RHOXF1: variants seen among roughly 807,000 people sequenced by gnomAD.
RHOXF1 encodes PEPP subfamily gene 1.
Under a neutral mutation model 9.7 loss-of-function variants are expected in RHOXF1, and 1 was observed. That is an observed-to-expected ratio of 0.10 (90% CI 0.04 to 0.49). The LOEUF (loss-of-function observed/expected upper bound fraction) is 0.49, where lower values mean the gene tolerates loss of function less well. Ranked by LOEUF, RHOXF1 falls within the 20% of genes least tolerant of loss-of-function variation. RHOXF1 has a pLI of 0.95. For missense variants in RHOXF1, 179 were observed against 168.0 expected (o/e 1.07, Z -0.36); for synonymous variants, 72 against 70.2 (o/e 1.03, Z -0.13).
chrX:120,114,278 T>C (rs1252473697), intron 1 of RHOXF1, among the ~76,000 whole-genome samples: 1 of 110,805 alleles, frequency 9.0e-6, no homozygotes, highest in African/African-American at 3.3e-5. Context: ...AGACCACAGC[T>C]GGGTGTGGTG....
chrX:120,115,352 G>T, intron 1 of RHOXF1, 113 bp downstream of exon 1: 1 of 570,664 alleles, frequency 1.8e-6, no homozygotes, highest in Non-Finnish European at 2.5e-6. Context: ...CAGCACAAAG[G>T]CAGGCAAGGA....
At chrX:120,109,551 T>C (rs1460747495) in intron 2 of RHOXF1, among the ~76,000 whole-genome samples, 1 of 109,300 alleles carries the variant, frequency 9.1e-6, no homozygotes, top group Non-Finnish European at 1.9e-5. Context: ...CTCTTCTCCA[T>C]TTTATTTATT....
At chrX:120,115,397 C>G in intron 1 of RHOXF1, 68 bp downstream of exon 1, 2 of 949,883 alleles carry the variant, frequency 2.1e-6, no homozygotes. Flanking sequence ...TTGGGTGGGG[C>G]AAGGGAGAGA....
Position 120,114,883 on chromosome X carries a change from C to T in RHOXF1, c.398+582G>A, listed in dbSNP as rs986245046. Among the ~76,000 whole-genome samples the T allele has an allele frequency of 3.6e-5, 4 of 112,100 alleles. No individual in the cohort carries two copies. In the Admixed American group the frequency reaches 3.8e-4, roughly 11 times the overall value. ...TCTATAAAATGGAATATTATTTAGC[C>T]TTAAAAAGGAAGGAAATTCTAATAT... is the stretch of plus-strand genomic sequence containing the variant. On this transcript the variant is annotated intron_variant, in intron 1 of 2. Transcript: ENST00000217999.
chrX:120,115,893 C>T lies in RHOXF1; in HGVS notation c.-31G>A, dbSNP rs782139989. The T allele has an allele frequency of 1.6e-5, 18 of 1,130,968 alleles. No individual in the cohort carries two copies. Among genetic ancestry groups the T allele is most frequent in the South Asian group, 6.3e-5 (3 of 47,721 alleles). The allele number at this position is 1,130,968 out of a possible 1,213,427, so 93.2% of individuals were successfully genotyped here. On this transcript the variant is annotated 5_prime_UTR_variant, in exon 1 of 3. Transcript: ENST00000217999. ...GAGCGCTGCGCCCCTGCACAAACTC[C>T]GTGGCGTCTGCAGCTGGAGTGGGGG...
intron 1 of RHOXF1, among the ~76,000 whole-genome samples, chrX:120,113,878 G>A (rs2057281730): frequency 9.2e-6 from 1 of 109,113 alleles, no homozygotes. Flanking sequence ...AATTGCTTGA[G>A]CCCAGGAGTT....
chrX:120,120,108 G>C (rs1383263644), upstream of RHOXF1, among the ~76,000 whole-genome samples: 1 of 112,073 alleles, frequency 8.9e-6, no homozygotes, highest in African/African-American at 3.2e-5. Context: ...CTCCTGGAGC[G>C]TCTGCAAAAC....
In RHOXF1 at chrX:120,115,544, G is replaced by A; in HGVS notation, c.319C>T (p.Arg107Cys). The change falls in exon 1 of 3, where the codon CGC (arginine) becomes TGC (cysteine). Residue 107 changes from arginine (R) to cysteine (C), a missense_variant. Physicochemically the swap from Arg to Cys is radical, Grantham distance 180 (BLOSUM62 -3). Transcript: ENST00000217999. ...ACCTGCAACAGCGTGAACTTCGTGC[G>A]CCGAGTTCGTGGCTGCATGTTCTCG... ...QPENMQPRTRRTKFTLLQVEE... is the reference protein window; with the variant it reads ...QPENMQPRTRCTKFTLLQVEE... The A allele has an allele frequency of 8.8e-7, 1 of 1,137,888 alleles. No individual in the cohort carries two copies. The highest frequency in any genetic ancestry group is 1.2e-6 in the Non-Finnish European group (1 of 860,643). 93.8% of individuals were successfully genotyped at this position (1,137,888 alleles called of 1,213,427 possible). A position where few individuals can be genotyped will look rare whatever the true frequency, so the allele number is the denominator to read the frequency against.
upstream of RHOXF1, among the ~76,000 whole-genome samples, chrX:120,117,095 A>G (rs1247395325): frequency 9.1e-6 from 1 of 109,765 alleles, no homozygotes; most frequent in Admixed American, 9.7e-5. Flanking sequence ...CCAATTACGA[A>G]GAAAAACCCT....
chrX:120,118,290 T>C (rs782385912), upstream of RHOXF1, among the ~76,000 whole-genome samples: 1 of 111,514 alleles, frequency 9.0e-6, no homozygotes, highest in African/African-American at 3.3e-5. Context: ...GTTGAGGCAA[T>C]CTCAATTTGC....
intron 2 of RHOXF1, among the ~76,000 whole-genome samples, chrX:120,111,355 G>A (rs782018339): frequency 1.8e-5 from 2 of 111,746 alleles, no homozygotes; most frequent in East Asian, 5.6e-4. Flanking sequence ...TCAGTAACCC[G>A]CTTTGTTAGT....
rs2057289270 is a variant in RHOXF1 at position 120,115,451 on chromosome X, A to G, written c.398+14T>C. On this transcript the variant is annotated intron_variant, in intron 1 of 2. Transcript: ENST00000217999. The stretch of plus-strand genomic sequence containing the variant: ...AACTTGGAGATCTCGTGGCTCCTGG[A>G]GCAGGCCACTTACCTTGTGGGCACA... 1 of 1,080,023 alleles carries G rather than the reference A, an allele frequency of 9.3e-7. No individual in the cohort carries two copies. Among genetic ancestry groups the G allele is most frequent in the Admixed American group, 3.6e-5 (1 of 28,053 alleles). 89.0% of individuals were successfully genotyped at this position (1,080,023 alleles called of 1,213,427 possible).
chrX:120,111,812 C>G (rs1486521634), intron 2 of RHOXF1, among the ~76,000 whole-genome samples: 1 of 111,705 alleles, frequency 9.0e-6, no homozygotes, highest in Non-Finnish European at 1.9e-5. Flanking sequence ...CTATTTTGAC[C>G]ATATTTCTCT....
At chrX:120,112,999 G>GT (rs2057277503) in intron 1 of RHOXF1, 85 bp from the exon 2 acceptor site, 1 of 647,886 alleles carries the variant, frequency 1.5e-6, no homozygotes, top group Admixed American at 2.5e-5. Context: ...CTTCATGCTT[G>GT]TTTTACAATT....
chrX:120,119,107 C>T (rs1024509713), upstream of RHOXF1, among the ~76,000 whole-genome samples: 1 of 111,631 alleles, frequency 9.0e-6, no homozygotes, highest in African/African-American at 3.3e-5. Flanking sequence ...ACTCTCTCTC[C>T]CTTGTGAATA....
At chrX:120,111,268 C>T (rs2057263756) in intron 2 of RHOXF1, among the ~76,000 whole-genome samples, 1 of 111,134 alleles carries the variant, frequency 9.0e-6, no homozygotes, top group Non-Finnish European at 1.9e-5. Context: ...GAAAAGTGAT[C>T]CCAACCTCTT....
Position 120,115,843 on chromosome X carries a change from T to C in RHOXF1, c.20A>G (p.His7Arg), listed in dbSNP as rs1240481224. Residue 7 changes from histidine (H) to arginine (R), a missense_variant, in exon 1 of 3, where the codon CAC becomes CGC. Transcript: ENST00000217999. MARSLV[H>R]DTVFYCLSVY... is the part of the protein sequence containing the mutation. ...ACTCAGGCAGTAGAACACGGTGTCG[T>C]GGACGAGCGAACGCGCCATGGCTGG... is the stretch of plus-strand genomic sequence containing the variant. The C allele has an allele frequency of 4.2e-6, 5 of 1,178,106 alleles. No homozygotes were observed. In the South Asian group the frequency reaches 5.6e-5, roughly 13 times the overall value.
Position 120,115,521 on chromosome X carries a change from C to T in RHOXF1, c.342G>A (p.Gln114=), listed in dbSNP as rs140101792. 2 of 1,135,119 alleles carry T rather than the reference C, an allele frequency of 1.8e-6. No homozygotes were observed. Among genetic ancestry groups the T allele is most frequent in the African/African-American group, 3.7e-5 (2 of 54,483 alleles). 93.5% of individuals were successfully genotyped at this position (1,135,119 alleles called of 1,213,427 possible). A position where few individuals can be genotyped will look rare whatever the true frequency, so the allele number is the denominator to read the frequency against. The change falls in exon 1 of 3, where the codon CAG becomes CAA. Residue 114 remains glutamine (Q), a synonymous_variant. Transcript: ENST00000217999. ...GGAAAACACTTTCCAGCTCCTCCACCTGCAACAGCGTGAACTTCGTGCGCC... is the reference window on the plus strand; with the variant it reads ...GGAAAACACTTTCCAGCTCCTCCACTTGCAACAGCGTGAACTTCGTGCGCC... ...RTRRTKFTLL[Q]VEELESVFRH...
Position 120,115,621 on chromosome X carries a change from G to A in RHOXF1, c.242C>T (p.Pro81Leu). 2.6e-6 allele frequency: 3 copies of A among 1,168,816 alleles called. No individual in the cohort carries two copies. Among genetic ancestry groups the A allele is most frequent in the African/African-American group, 1.8e-5 (1 of 56,559 alleles). ...GGCCGGCTCCTCCGGCGGGGGCTGC[G>A]GCTGCTGCCGAGGCTCCTGGTTTCC... ...GGGNQEPRQQ[P>L]QPPPEEPAQA... Residue 81 changes from proline (P) to leucine (L), a missense_variant, in exon 1 of 3, where the codon CCG becomes CTG. Pro to Leu is a moderately conservative substitution (Grantham distance 98, BLOSUM62 -3). Transcript: ENST00000217999.
Sources: gnomAD v4.1 joint callset for allele counts (sites outside exome capture counted in the v4.1 genomes callset) on GRCh38, gnomAD v4.1.1 for gene constraint, MANE v1.5 for transcripts, NCBI Gene and HGNC (gene_info 2026-07-23, HGNC 2026-07-21) for gene names.